The following FNIP2 variants were observed in gnomAD, a reference collection of about 807,000 sequenced individuals.
FNIP2 encodes folliculin-interacting protein 2.
Under a neutral mutation model 108.7 loss-of-function variants are expected in FNIP2, and 32 were observed. The observed-to-expected ratio is 0.29, with a 90% CI of 0.22 to 0.40. The LOEUF is 0.40. FNIP2 is among the 10% of genes least tolerant of loss of function. FNIP2 has a pLI of 1.00. For synonymous variants in FNIP2, 480 were observed against 496.7 expected, an observed-to-expected ratio of 0.97 and a Z score of 0.45; for missense variants, 1,202 against 1,381.6, an observed-to-expected ratio of 0.87 and a Z score of 2.06.
intron 1 of FNIP2, among the ~76,000 whole-genome samples, chr4:158,819,988 T>A (rs931683315): frequency 2.0e-5 from 3 of 152,196 alleles, no homozygotes; most frequent in Non-Finnish European, 4.4e-5. Context: ...AGGGTTATGG[T>A]TTGCTCATTG....
intron 14 of FNIP2, among the ~76,000 whole-genome samples, 153 bp from the exon 15 acceptor site, chr4:158,891,293 C>T (rs1393219098): frequency 6.6e-6 from 1 of 151,638 alleles, no homozygotes; most frequent in African/African-American, 2.4e-5. Context: ...CCTATTTACC[C>T]TATGGCATAA....
At chr4:158,855,857 CTA>C (rs1425541391) in intron 8 of FNIP2, among the ~76,000 whole-genome samples, 2 of 152,204 alleles carry the variant, frequency 1.3e-5, no homozygotes, top group African/African-American at 4.8e-5. Flanking sequence ...GTACCAAACA[CTA>C]TGATTGCTTC....
At chr4:158,842,198 T>C (rs1779169666) in intron 7 of FNIP2, among the ~76,000 whole-genome samples, 1 of 152,220 alleles carries the variant, frequency 6.6e-6, no homozygotes, top group Non-Finnish European at 1.5e-5. Context: ...TTTTCCTTTC[T>C]AAATTTGCAT....
chr4:158,833,659 T>A (rs1271052748), intron 6 of FNIP2, 31 bp downstream of exon 6: 3 of 1,564,906 alleles, frequency 1.9e-6, no homozygotes, highest in Non-Finnish European at 2.6e-6. Context: ...AAATTCTTTC[T>A]TTCTGAATAC....
At chr4:158,896,716 A>G (rs1782708700) in intron 16 of FNIP2, among the ~76,000 whole-genome samples, 1 of 150,660 alleles carries the variant, frequency 6.6e-6, no homozygotes, top group African/African-American at 2.4e-5. Flanking sequence ...TTTATTTACA[A>G]AGTATTTCCC....
rs779878934 is a variant in FNIP2, at chr4:158,905,324, A to G, written c.*780A>G. 6.6e-6 allele frequency: 1 copy of G among 152,174 alleles called. No homozygotes were observed. Among genetic ancestry groups the G allele is most frequent in the Non-Finnish European group, 1.5e-5 (1 of 68,010 alleles). 9.4% of individuals were successfully genotyped at this position (152,174 alleles called of 1,614,324 possible). On this transcript the variant is annotated 3_prime_UTR_variant, in exon 17 of 17. Transcript: ENST00000264433. ...TGTACAGTCTGAAACCGTATGTTTT[A>G]TCCTTATATTTTAGAGCTTTCAGCA...
intron 1 of FNIP2, chr4:158,806,498 G>A (rs779841198): frequency 9.6e-7 from 1 of 1,045,230 alleles, no homozygotes; most frequent in Non-Finnish European, 1.3e-6. Flanking sequence ...AGATGGAATT[G>A]TATTGATCTG....
At chr4:158,770,443 A>G (rs192105677) in intron 1 of FNIP2, among the ~76,000 whole-genome samples, 252 of 152,340 alleles carry the variant, frequency 1.7e-3, no homozygotes, top group African/African-American at 5.6e-3. Flanking sequence ...TAAAAGTTTC[A>G]AGTGAAACTT....
chr4:158,769,180 G>A lies in FNIP2; in HGVS notation c.-33G>A. ...CTGCGCGCTGAGCCGCCGGCCCCCC[G>A]AGCGCCACGGCCGGAGCTGCGGCGG... On this transcript the variant is annotated 5_prime_UTR_variant, in exon 1 of 17. Coordinates refer to ENST00000264433, the MANE Select transcript of FNIP2 (RefSeq NM_020840.3). 1 of 1,209,648 alleles carries A rather than the reference G, an allele frequency of 8.3e-7. No homozygotes were observed. 74.9% of individuals were successfully genotyped at this position (1,209,648 alleles called of 1,614,324 possible).
chr4:158,894,479 G>A (rs551257651), intron 15 of FNIP2, among the ~76,000 whole-genome samples: 33 of 152,070 alleles, frequency 2.2e-4, no homozygotes, highest in Non-Finnish European at 4.0e-4. Context: ...GCTAAAAGTT[G>A]TCTAAATGCT....
chr4:158,798,906 GATAA>G (rs1314599317), intron 1 of FNIP2, among the ~76,000 whole-genome samples: 1 of 152,154 alleles, frequency 6.6e-6, no homozygotes, highest in Non-Finnish European at 1.5e-5. Context: ...TCCTCTGTCA[GATAA>G]ATAGTTGTAT....
chr4:158,785,456 AAT>A (rs1490052266), intron 1 of FNIP2, among the ~76,000 whole-genome samples: 1 of 152,134 alleles, frequency 6.6e-6, no homozygotes, highest in East Asian at 1.9e-4. Flanking sequence ...TTCAGAATTT[AAT>A]AAATGTGTTT....
At chr4:158,873,124 A>C (rs1781052490) in intron 14 of FNIP2, among the ~76,000 whole-genome samples, 1 of 151,706 alleles carries the variant, frequency 6.6e-6, no homozygotes, top group Non-Finnish European at 1.5e-5. Flanking sequence ...GCAAGACTTC[A>C]TCTCAAAAAT....
In FNIP2 at chr4:158,905,537, A is replaced by G. The variant is rs554494098; in HGVS notation, c.*993A>G. On this transcript the variant is annotated 3_prime_UTR_variant, in exon 17 of 17. Coordinates refer to ENST00000264433, the MANE Select transcript of FNIP2 (RefSeq NM_020840.3). ...GCAGTTCAGGATGACTAATGAAAGC[A>G]ATTAGCTTGAACATTTAGAAAAAAT... 8 of 152,340 alleles carry G rather than the reference A, an allele frequency of 5.3e-5. No homozygotes were observed. In the East Asian group the frequency reaches 1.5e-3, roughly 29 times the overall value. The allele number at this position is 152,340 out of a possible 1,614,324, so 9.4% of individuals were successfully genotyped here.
Position 158,869,055 on chromosome 4 carries a change from G to A in FNIP2, c.2419G>A (p.Ala807Thr), listed in dbSNP as rs764112114. 1.2e-6 allele frequency: 2 copies of A among 1,614,042 alleles called. No homozygotes were observed. Among genetic ancestry groups the A allele is most frequent in the Non-Finnish European group, 1.7e-6 (2 of 1,179,894 alleles). ...CAGAGGCAGCAGAAACGACATGGCA[G>A]CAGATATTGCTGGGCAGCTCAGCCA... ...EDRGSRNDMAADIAGQLSHAA... is the reference protein window; with the variant it reads ...EDRGSRNDMATDIAGQLSHAA... Residue 807 changes from alanine to threonine, a missense_variant, in exon 13 of 17, where the codon GCA becomes ACA. Ala to Thr is a moderately conservative substitution (Grantham distance 58). This residue lies in a region of FNIP2 where 878 missense variants were observed against 990.3 expected (regional missense o/e 0.89). Coordinates refer to ENST00000264433, the MANE Select transcript of FNIP2 (RefSeq NM_020840.3).
intron 14 of FNIP2, among the ~76,000 whole-genome samples, chr4:158,874,017 T>A (rs561590907): frequency 6.6e-6 from 1 of 152,134 alleles, no homozygotes; most frequent in Non-Finnish European, 1.5e-5. Flanking sequence ...ACTGTTGGGG[T>A]TATTGTGGGG....
intron 12 of FNIP2, among the ~76,000 whole-genome samples, chr4:158,864,515 A>G (rs1055441951): frequency 6.6e-6 from 1 of 152,154 alleles, no homozygotes; most frequent in Non-Finnish European, 1.5e-5. Context: ...TGCCTTTAAG[A>G]TACTAAACTC....
chr4:158,902,797 C>T (rs550995577), intron 16 of FNIP2, among the ~76,000 whole-genome samples: 5 of 152,162 alleles, frequency 3.3e-5, no homozygotes, highest in East Asian at 3.9e-4. Flanking sequence ...GAGGCTAAAC[C>T]GCTTACTCAA....
chr4:158,777,634 G>A (rs955126066), intron 1 of FNIP2, among the ~76,000 whole-genome samples: 1 of 152,152 alleles, frequency 6.6e-6, no homozygotes, highest in African/African-American at 2.4e-5. Flanking sequence ...AGAAGGGGGC[G>A]GCCGGAACTA....
Sources: gnomAD v4.1 joint callset for allele counts (sites outside exome capture counted in the v4.1 genomes callset) on GRCh38, gnomAD v4.1.1 for gene constraint, gnomAD v4.1.1 regional missense constraint, MANE v1.5 for transcripts, NCBI Gene and HGNC (gene_info 2026-07-23, HGNC 2026-07-21) for gene names.